Variants in KLHL32 observed in about 807,000 individuals in gnomAD.
KLHL32 encodes the protein kelch like family member 32, also known as kelch-like protein 32.
In KLHL32, 35 loss-of-function variants were observed where a neutral mutation model predicts 64.8. That is an observed-to-expected ratio of 0.54 (90% confidence interval 0.41 to 0.72). KLHL32 has a LOEUF of 0.72. Among genes scored for constraint, KLHL32 ranks in the 30% least tolerant of loss-of-function variants. The pLI is 0.00. For missense variants in KLHL32, 589 were observed against 768.5 expected (o/e 0.77, Z 2.76); for synonymous variants, 259 against 281.0 (o/e 0.92, Z 0.78).
intron 1 of KLHL32, among the ~76,000 whole-genome samples, chr6:96,934,392 C>T (rs770371765): frequency 3.9e-5 from 6 of 152,162 alleles, no homozygotes; most frequent in African/African-American, 9.7e-5. Flanking sequence ...TCCTACCTTC[C>T]GAGGACCAGC....
the KLHL32 span, among the ~76,000 whole-genome samples, chr6:96,899,890 T>C: frequency 6.6e-6 from 1 of 152,220 alleles, no homozygotes; most frequent in Non-Finnish European, 1.5e-5. Flanking sequence ...TGGAGTATTA[T>C]GATGCATGTG....
chr6:97,074,857 A>G (rs1490618028), intron 5 of KLHL32, among the ~76,000 whole-genome samples: 6 of 151,008 alleles, frequency 4.0e-5, no homozygotes, highest in Admixed American at 4.0e-4. Flanking sequence ...ACTATTTTCA[A>G]TTAAAAGAAA....
chr6:97,036,471 A>G (rs1346068488), intron 3 of KLHL32, among the ~76,000 whole-genome samples: 2 of 152,140 alleles, frequency 1.3e-5, no homozygotes, highest in Admixed American at 6.5e-5. Flanking sequence ...CATTTGAAGG[A>G]GCAGTTACAT....
chr6:96,915,823 CTT>C, the KLHL32 span, among the ~76,000 whole-genome samples: 1 of 152,100 alleles, frequency 6.6e-6, no homozygotes, highest in African/African-American at 2.4e-5. Flanking sequence ...TTATTTTGAG[CTT>C]AAGGCAATTA....
intron 6 of KLHL32, among the ~76,000 whole-genome samples, chr6:97,106,682 C>T (rs1259393788): frequency 2.7e-5 from 4 of 150,936 alleles, no homozygotes; most frequent in Admixed American, 1.3e-4. Flanking sequence ...AGGCAGAAGT[C>T]GTAGTGAGCT....
intron 7 of KLHL32, among the ~76,000 whole-genome samples, chr6:97,122,259 C>CTTTGCAGG (rs1798445357): frequency 6.6e-6 from 1 of 152,152 alleles, no homozygotes; most frequent in Non-Finnish European, 1.5e-5. Flanking sequence ...AAATTAGAGA[C>CTTTGCAGG]TTTGCAGGTT....
chr6:96,913,334 A>G, the KLHL32 span, among the ~76,000 whole-genome samples: 1 of 152,250 alleles, frequency 6.6e-6, no homozygotes, highest in Non-Finnish European at 1.5e-5. Context: ...ACTAACTGCA[A>G]TAACCAATCA....
At chr6:96,950,512 AC>A (rs1772448326) in intron 1 of KLHL32, among the ~76,000 whole-genome samples, 1 of 150,408 alleles carries the variant, frequency 6.6e-6, no homozygotes, top group Non-Finnish European at 1.5e-5. Flanking sequence ...AAAAAAAAAA[AC>A]CCAGACACTT....
intron 5 of KLHL32, among the ~76,000 whole-genome samples, chr6:97,083,732 T>C (rs908332374): frequency 6.6e-6 from 1 of 152,244 alleles, no homozygotes; most frequent in Non-Finnish European, 1.5e-5. Context: ...GAAATGAGCA[T>C]TTATTACTTT....
intron 4 of KLHL32, among the ~76,000 whole-genome samples, chr6:97,048,840 G>A (rs1786357551): frequency 6.6e-6 from 1 of 152,158 alleles, no homozygotes. Flanking sequence ...ACCCAATTGA[G>A]CTAAATAGTA....
chr6:96,941,902 A>G lies in KLHL32; in HGVS notation c.-66+16876A>G, dbSNP rs575788672. Among the ~76,000 whole-genome samples, 19 of 152,350 alleles carry G rather than the reference A, an allele frequency of 1.2e-4. No homozygotes were observed. The South Asian group carries it at 3.5e-3, about 28-fold the overall frequency. On this transcript the variant is annotated intron_variant, in intron 1 of 10. Coordinates refer to ENST00000369261, the MANE Select transcript of KLHL32 (RefSeq NM_052904.4). ...GTCAGGTGCAGGAAGTGGTTGTCCCATAACTTTTTGAGAATCAAATAAATG... is the reference window on the plus strand; with the variant it reads ...GTCAGGTGCAGGAAGTGGTTGTCCCGTAACTTTTTGAGAATCAAATAAATG...
intron 3 of KLHL32, among the ~76,000 whole-genome samples, chr6:96,991,546 A>C (rs991170335): frequency 1.8e-4 from 28 of 152,132 alleles, no homozygotes; most frequent in Non-Finnish European, 7.4e-5. Context: ...TGACATGTTC[A>C]GGCCAGGGCA....
At chr6:97,020,378 A>G (rs1042446372) in intron 3 of KLHL32, among the ~76,000 whole-genome samples, 1 of 151,176 alleles carries the variant, frequency 6.6e-6, no homozygotes, top group Non-Finnish European at 1.5e-5. Context: ...CAGAAATACT[A>G]TAGAAACTCT....
chr6:96,969,499 A>ACC, intron 2 of KLHL32, among the ~76,000 whole-genome samples: 1 of 151,384 alleles, frequency 6.6e-6, no homozygotes, highest in Admixed American at 6.6e-5. Context: ...GCTTGAGAAA[A>ACC]CCCCAATCCA....
rs1381610642 is a variant in KLHL32 at position 97,114,436 on chromosome 6, T to C, written c.1281T>C (p.Thr427=). The change falls in exon 7 of 11, where the codon ACT becomes ACC. Residue 427 remains threonine (T), a synonymous_variant. Transcript: ENST00000369261. ...ATTGCCCCAAGAAGAACAAATGGACTTTTGTTCAGTCCTTTGACAGATCCC... is the reference window on the plus strand; with the variant it reads ...ATTGCCCCAAGAAGAACAAATGGACCTTTGTTCAGTCCTTTGACAGATCCC... ...ERYCPKKNKW[T]FVQSFDRSLS... 1 of 1,614,108 alleles carries C rather than the reference T, an allele frequency of 6.2e-7. No individual in the cohort carries two copies. The highest frequency in any genetic ancestry group is 1.3e-5 in the African/African-American group (1 of 74,952).
rs117370276 is a variant in KLHL32 at position 97,093,692 on chromosome 6, G to T, written c.627+8351G>T. Among the ~76,000 whole-genome samples the T allele has an allele frequency of 1.0e-3, 154 of 151,038 alleles. 4 individuals carry two copies. In the East Asian group the frequency reaches 0.027, roughly 26 times the overall value. On this transcript the variant is annotated intron_variant, in intron 6 of 10. Coordinates refer to ENST00000369261, the MANE Select transcript of KLHL32 (RefSeq NM_052904.4). ...GAAAGTGTTGCTGAGGGTCTTTCTT[G>T]ATCAGAGCCCAGAAACTGAGGCTCT... is the stretch of plus-strand genomic sequence containing the variant.
chr6:97,036,529 G>A (rs758369043), intron 3 of KLHL32, among the ~76,000 whole-genome samples: 11 of 152,202 alleles, frequency 7.2e-5, no homozygotes, highest in Non-Finnish European at 1.2e-4. Context: ...TTTCACCTGA[G>A]ATGTGATGAT....
chr6:97,038,919 C>T (rs1446723664), intron 3 of KLHL32, among the ~76,000 whole-genome samples: 3 of 150,920 alleles, frequency 2.0e-5, no homozygotes, highest in South Asian at 2.1e-4. Context: ...GGTGAAACCC[C>T]GCTCTACTAA....
At chr6:96,938,272 G>GAA (rs142927559) in intron 1 of KLHL32, among the ~76,000 whole-genome samples, 4 of 150,220 alleles carry the variant, frequency 2.7e-5, no homozygotes, top group African/African-American at 7.3e-5. Context: ...TTCCATAGTG[G>GAA]AAAAAAAAAC....
Sources: allele counts gnomAD v4.1 joint callset (sites outside exome capture counted in the v4.1 genomes callset), GRCh38; gene constraint gnomAD v4.1.1; transcripts MANE v1.5; gene names NCBI Gene and HGNC (gene_info 2026-07-23, HGNC 2026-07-21).